CPD: variants seen among roughly 807,000 people sequenced by gnomAD.
CPD encodes carboxypeptidase D.
CPD carries 69 observed loss-of-function variants against 138.3 expected under a neutral mutation model. That is an observed-to-expected ratio of 0.50 (90% CI 0.41 to 0.61). CPD has a LOEUF of 0.61. Among genes scored for constraint, CPD ranks in the 20% least tolerant of loss-of-function variants. The probability of loss-of-function intolerance (pLI) is 0.00; values close to 1 mark genes in which losing one functional copy is unlikely to be tolerated. For missense variants in CPD, 1,432 were observed against 1,733.3 expected (o/e 0.83, Z 3.09); for synonymous variants, 651 against 642.1 (o/e 1.01, Z -0.21).
At chr17:30,395,724 TAAA>T (rs11383738) in intron 2 of CPD, among the ~76,000 whole-genome samples, 4 of 145,054 alleles carry the variant, frequency 2.8e-5, no homozygotes, top group Non-Finnish European at 3.0e-5. Flanking sequence ...AGAGTACATT[TAAA>T]AAAAAAAAAA....
intron 12 of CPD, among the ~76,000 whole-genome samples, chr17:30,447,792 A>G (rs558061082): frequency 5.9e-5 from 9 of 152,204 alleles, no homozygotes; most frequent in Admixed American, 4.6e-4. Context: ...GATAGCCTTT[A>G]CCTTCACTTT....
chr17:30,400,380 A>G (rs1357684371), intron 2 of CPD, among the ~76,000 whole-genome samples: 1 of 152,174 alleles, frequency 6.6e-6, no homozygotes, highest in Non-Finnish European at 1.5e-5. Context: ...CTTAACTTAT[A>G]TATATATGCT....
chr17:30,434,109 T>G (rs1295610291), intron 8 of CPD, among the ~76,000 whole-genome samples: 2 of 152,116 alleles, frequency 1.3e-5, no homozygotes, highest in Non-Finnish European at 2.9e-5. Flanking sequence ...CTTCAAAACT[T>G]CTCAAAAGTA....
Position 30,379,013 on chromosome 17 carries a change from G to T in CPD, c.33G>T (p.Trp11Cys), listed in dbSNP as rs765767418. The T allele has an allele frequency of 1.3e-6, 2 of 1,550,296 alleles. No individual in the cohort carries two copies. Among genetic ancestry groups the T allele is most frequent in the Non-Finnish European group, 1.7e-6 (2 of 1,157,662 alleles). Reference sequence around the variant, plus strand: ...GCGGCCGGGACGAGCGGCCGCCTTGGCGGCTAGGGCGGCTCCTGTTGCTCA... The same window carrying T: ...GCGGCCGGGACGAGCGGCCGCCTTGTCGGCTAGGGCGGCTCCTGTTGCTCA... MASGRDERPP[W>C]RLGRLLLLMC... Residue 11 changes from tryptophan (W) to cysteine (C), a missense_variant, in exon 1 of 21, where the codon TGG (tryptophan) becomes TGT (cysteine). Trp to Cys is a radical substitution (Grantham distance 215). This residue lies in a region of CPD where 484 missense variants were observed against 477.2 expected (regional missense o/e 1.01). Transcript: ENST00000225719. This position sits in a 1 kb window ranked among gnomAD's most constrained non-coding sequence, Gnocchi z 7.0.
chr17:30,453,472 G>A (rs1913216789), intron 14 of CPD, among the ~76,000 whole-genome samples: 1 of 152,200 alleles, frequency 6.6e-6, no homozygotes, highest in South Asian at 2.1e-4. Flanking sequence ...GGTTCCCATG[G>A]TCTTGGGCAG....
intron 2 of CPD, among the ~76,000 whole-genome samples, chr17:30,388,130 C>T (rs1019266237): frequency 5.3e-5 from 8 of 152,232 alleles, no homozygotes; most frequent in African/African-American, 1.7e-4. Flanking sequence ...TCTCCATCCT[C>T]TGCCTTGCTC....
chr17:30,403,208 G>A (rs1258075240), intron 2 of CPD, among the ~76,000 whole-genome samples: 1 of 152,182 alleles, frequency 6.6e-6, no homozygotes, highest in African/African-American at 2.4e-5. Context: ...CCTTATGTAA[G>A]CTGTAATTCC....
chr17:30,436,192 A>G (rs1001252017), intron 8 of CPD, among the ~76,000 whole-genome samples: 2 of 152,148 alleles, frequency 1.3e-5, no homozygotes, highest in African/African-American at 4.8e-5. Flanking sequence ...ACGTGCCTGT[A>G]GTCCCAGCTA....
Position 30,439,036 on chromosome 17 carries a change from C to T in CPD, c.2189C>T (p.Pro730Leu), listed in dbSNP as rs763754412. Residue 730 changes from proline (P) to leucine (L), a missense_variant, in exon 9 of 21, where the codon CCT becomes CTT. Coordinates refer to ENST00000225719, the MANE Select transcript of CPD (RefSeq NM_001304.5). The stretch of plus-strand genomic sequence containing the variant: ...AATATGTATCCTAATGAATATTTTC[C>T]TCATGGAATAACAAATGGAGCTAGT... Reference protein sequence around the residue: ...CKNMYPNEYFPHGITNGASWY... With the variant: ...CKNMYPNEYFLHGITNGASWY... The T allele has an allele frequency of 6.3e-7, 1 of 1,592,352 alleles. No homozygotes were observed. The highest frequency in any genetic ancestry group is 8.5e-7 in the Non-Finnish European group (1 of 1,173,720).
At chr17:30,436,567 G>C (rs1912707680) in intron 8 of CPD, among the ~76,000 whole-genome samples, 1 of 152,138 alleles carries the variant, frequency 6.6e-6, no homozygotes, top group Admixed American at 6.5e-5. Flanking sequence ...ATACCACAAT[G>C]AGATACCTCT....
chr17:30,391,971 G>A (rs1345011236), intron 2 of CPD, among the ~76,000 whole-genome samples: 1 of 150,918 alleles, frequency 6.6e-6, no homozygotes, highest in East Asian at 1.9e-4. Context: ...TTTGCCATCC[G>A]AAACATAAAT....
intron 18 of CPD, among the ~76,000 whole-genome samples, chr17:30,461,520 A>G (rs570626220): frequency 6.6e-6 from 1 of 152,306 alleles, no homozygotes; most frequent in Non-Finnish European, 1.5e-5. Context: ...TGACCTTGCA[A>G]GATGCTGCAA....
At chr17:30,417,101 CAA>C (rs752972071) in intron 2 of CPD, among the ~76,000 whole-genome samples, 13 of 106,252 alleles carry the variant, frequency 1.2e-4, no homozygotes, top group Non-Finnish European at 8.1e-5. Flanking sequence ...ACTCAGTCTC[CAA>C]AAAAAAAAAA....
chr17:30,404,646 A>G (rs1373384859), intron 2 of CPD, among the ~76,000 whole-genome samples: 1 of 152,074 alleles, frequency 6.6e-6, no homozygotes, highest in East Asian at 1.9e-4. Context: ...ACCTATTTTA[A>G]AGATTTTATA....
At chr17:30,429,913 A>G (rs1912517979) in intron 7 of CPD, among the ~76,000 whole-genome samples, 1 of 152,132 alleles carries the variant, frequency 6.6e-6, no homozygotes, top group African/African-American at 2.4e-5. Flanking sequence ...TGCCTTTCTC[A>G]CGGGAAATTT....
intron 17 of CPD, among the ~76,000 whole-genome samples, chr17:30,458,865 CAAA>C (rs60140816): frequency 1.9e-4 from 25 of 133,942 alleles, no homozygotes; most frequent in Non-Finnish European, 2.1e-4. Context: ...GACCCTGTCT[CAAA>C]AAAAAAAAAA....
At chr17:30,438,075 C>G (rs907680609) in intron 8 of CPD, among the ~76,000 whole-genome samples, 3 of 140,294 alleles carry the variant, frequency 2.1e-5, no homozygotes, top group Non-Finnish European at 1.5e-5. Context: ...AACTTCTGAG[C>G]TCAAGCAGTT....
At chr17:30,423,419 T>C (rs956289214) in intron 5 of CPD, 87 bp from the exon 6 acceptor site, 23 of 1,009,976 alleles carry the variant, frequency 2.3e-5, no homozygotes, top group Non-Finnish European at 2.9e-5. Context: ...TTTTTTAGTA[T>C]AGGATTTATA....
At chr17:30,444,344 G>T (rs2143472567) in intron 11 of CPD, among the ~76,000 whole-genome samples, 2 of 152,106 alleles carry the variant, frequency 1.3e-5, no homozygotes, top group South Asian at 4.1e-4. Flanking sequence ...ATTCATAGTA[G>T]AATTTATTGG....
Sources: allele counts gnomAD v4.1 joint callset (sites outside exome capture counted in the v4.1 genomes callset), GRCh38; gene constraint gnomAD v4.1.1; regional missense constraint gnomAD v4.1.1; non-coding constraint Gnocchi (gnomAD v3.1); transcripts MANE v1.5; gene names NCBI Gene and HGNC (gene_info 2026-07-23, HGNC 2026-07-21).